Variants in RAB10 observed in about 807,000 individuals in gnomAD.
RAB10 encodes RAB10, member RAS oncogene family, also known as ras-related protein Rab-10.
RAB10 carries 5 observed loss-of-function variants against 25.7 expected under a neutral mutation model. That is an observed-to-expected ratio of 0.19 (90% CI 0.10 to 0.41). The LOEUF is 0.41. RAB10 is among the 10% of genes least tolerant of loss of function. The pLI is 1.00. For missense variants in RAB10, 103 were observed against 245.8 expected (o/e 0.42, Z 3.89); for synonymous variants, 89 against 86.4 (o/e 1.03, Z -0.16).
Position 26,135,151 on chromosome 2 carries a change from AT to A in RAB10, c.*134del. 3.2e-6 allele frequency: 2 copies of A among 617,850 alleles called. No individual in the cohort carries two copies. Among genetic ancestry groups the A allele is most frequent in the Non-Finnish European group, 5.1e-6 (2 of 388,426 alleles). 38.3% of individuals were successfully genotyped at this position (617,850 alleles called of 1,614,324 possible). ...CTCATCTTAACTATCCAAGCCACCT[AT>A]TTTATTTGTTCTTTCATCTGTGACT... On this transcript the variant is annotated 3_prime_UTR_variant, in exon 6 of 6. Transcript: ENST00000264710.
At chr2:26,128,064 C>G (rs1667938237) in intron 5 of RAB10, 113 bp downstream of exon 5, 1 of 927,470 alleles carries the variant, frequency 1.1e-6, no homozygotes, top group Non-Finnish European at 1.7e-6. Context: ...GGTATTGTTT[C>G]TGTAGGGCAG....
chr2:26,131,219 G>T (rs1668007067), intron 5 of RAB10, among the ~76,000 whole-genome samples: 2 of 151,856 alleles, frequency 1.3e-5, no homozygotes, highest in Admixed American at 1.3e-4. Context: ...TGGAGAAGAA[G>T]AATTGTCTTG....
chr2:26,127,977 C>T, intron 5 of RAB10, 26 bp downstream of exon 5: 1 of 1,498,438 alleles, frequency 6.7e-7, no homozygotes, highest in Non-Finnish European at 9.3e-7. Context: ...TATATCCTGC[C>T]AGGTACCTGA....
At chr2:26,091,840 C>CA (rs1248342596) in intron 1 of RAB10, among the ~76,000 whole-genome samples, 1 of 151,726 alleles carries the variant, frequency 6.6e-6, no homozygotes, top group Non-Finnish European at 1.5e-5. Flanking sequence ...AGTTTTCATG[C>CA]AAAAAAGAGT....
chr2:26,038,132 C>T (rs1028580534), intron 1 of RAB10, among the ~76,000 whole-genome samples: 6 of 150,656 alleles, frequency 4.0e-5, no homozygotes, highest in African/African-American at 1.5e-4. Flanking sequence ...GTGATCTGCC[C>T]GCCTCAGCGT....
chr2:26,046,521 G>T (rs1029547938), intron 1 of RAB10, among the ~76,000 whole-genome samples: 6 of 152,038 alleles, frequency 3.9e-5, no homozygotes, highest in Middle Eastern at 3.2e-3. Flanking sequence ...TAATATTTTT[G>T]AGGAAAACAG....
At chr2:26,131,420 AT>A (rs559489442) in intron 5 of RAB10, among the ~76,000 whole-genome samples, 104 of 152,128 alleles carry the variant, frequency 6.8e-4, no homozygotes, top group East Asian at 1.7e-3. Flanking sequence ...CTAGGTAGCA[AT>A]TTTTTTTCAT....
chr2:26,087,669 T>C (rs12476190), intron 1 of RAB10, among the ~76,000 whole-genome samples: 117,144 of 152,098 alleles, frequency 0.77, 45,156 homozygotes, highest in East Asian at 0.87. Context: ...CCCAAAATGC[T>C]GGGATTACAG....
chr2:26,106,829 G>A (rs1390815465), intron 2 of RAB10, among the ~76,000 whole-genome samples: 1 of 151,944 alleles, frequency 6.6e-6, no homozygotes, highest in East Asian at 1.9e-4. Context: ...AGGTTGCAAT[G>A]TGCCGAGATC....
intron 3 of RAB10, among the ~76,000 whole-genome samples, chr2:26,117,650 GAGTT>G (rs1667721593): frequency 6.8e-6 from 1 of 147,048 alleles, no homozygotes; most frequent in Non-Finnish European, 1.5e-5. Context: ...AAAAACAAAA[GAGTT>G]AGGAAGTACA....
chr2:26,047,617 A>G (rs1183310507), intron 1 of RAB10, among the ~76,000 whole-genome samples: 4 of 151,618 alleles, frequency 2.6e-5, no homozygotes, highest in Non-Finnish European at 5.9e-5. Context: ...GGGTTTGACT[A>G]CATTGGCCGG....
At chr2:26,076,930 G>A (rs1273141602) in intron 1 of RAB10, among the ~76,000 whole-genome samples, 2 of 147,550 alleles carry the variant, frequency 1.4e-5, no homozygotes, top group Non-Finnish European at 3.0e-5. Flanking sequence ...GGGGACAAGA[G>A]CGAGGAAAAA....
At chr2:26,129,268 CAAAAAAAAAAAAAAAA>C (rs58007291) in intron 5 of RAB10, among the ~76,000 whole-genome samples, 1 of 133,614 alleles carries the variant, frequency 7.5e-6, no homozygotes, top group Non-Finnish European at 1.6e-5. Context: ...GACTCCATCT[CAAAAAAAAAAAAAAAA>C]AAAAAAAAAA....
At chr2:26,034,963 G>A (rs1469021613) in intron 1 of RAB10, among the ~76,000 whole-genome samples, 1 of 152,142 alleles carries the variant, frequency 6.6e-6, no homozygotes, top group Admixed American at 6.5e-5. Flanking sequence ...AGTGCCTTCT[G>A]TTACAAAATA....
At chr2:26,133,298 A>G (rs1378405501) in intron 5 of RAB10, among the ~76,000 whole-genome samples, 1 of 152,228 alleles carries the variant, frequency 6.6e-6, no homozygotes, top group Non-Finnish European at 1.5e-5. Context: ...CTACTGTTCT[A>G]TACAATAGCA....
intron 1 of RAB10, among the ~76,000 whole-genome samples, chr2:26,035,141 G>A (rs530345766): frequency 6.6e-6 from 1 of 152,078 alleles, no homozygotes; most frequent in Non-Finnish European, 1.5e-5. Context: ...TTATACTTTG[G>A]GGCAAAGAAA....
At chr2:26,065,221 AAG>A in intron 1 of RAB10, among the ~76,000 whole-genome samples, 1 of 152,096 alleles carries the variant, frequency 6.6e-6, no homozygotes, top group Non-Finnish European at 1.5e-5. Flanking sequence ...GAAAGAAAAA[AAG>A]AAAAAGAAAA....
chr2:26,078,380 A>G (rs1666784781), intron 1 of RAB10, among the ~76,000 whole-genome samples: 1 of 152,202 alleles, frequency 6.6e-6, no homozygotes, highest in African/African-American at 2.4e-5. Context: ...TGAAAAAGAA[A>G]AAGTTGGAAG....
chr2:26,037,014 C>T (rs1342887183), intron 1 of RAB10, among the ~76,000 whole-genome samples: 1 of 151,878 alleles, frequency 6.6e-6, no homozygotes, highest in Admixed American at 6.6e-5. Flanking sequence ...TGACCTCAAG[C>T]AATCCACCGC....
Sources: gnomAD v4.1 joint callset for allele counts (sites outside exome capture counted in the v4.1 genomes callset) on GRCh38, gnomAD v4.1.1 for gene constraint, MANE v1.5 for transcripts, NCBI Gene and HGNC (gene_info 2026-07-23, HGNC 2026-07-21) for gene names.